AFG1L: variants seen among roughly 807,000 people sequenced by gnomAD.
AFG1L encodes AFG1 like ATPase.
AFG1L carries 53 observed loss-of-function variants against 62.2 expected under a neutral mutation model. That is an observed-to-expected ratio of 0.85 (90% CI 0.68 to 1.07). AFG1L has a LOEUF of 1.07. Ranked by LOEUF, AFG1L falls within the 50% of genes least tolerant of loss-of-function variation. AFG1L has a pLI of 0.00. For synonymous variants in AFG1L, 228 were observed against 210.3 expected, an observed-to-expected ratio of 1.08 and a Z score of -0.73; for missense variants, 555 against 590.5, an observed-to-expected ratio of 0.94 and a Z score of 0.62.
chr6:108,352,596 T>C (rs147228821), intron 3 of AFG1L, among the ~76,000 whole-genome samples: 1 of 152,352 alleles, frequency 6.6e-6, no homozygotes, highest in East Asian at 1.9e-4. Context: ...AGGGTCTCGC[T>C]CTGTCGCCCA....
intron 6 of AFG1L, among the ~76,000 whole-genome samples, chr6:108,381,830 T>G (rs1232721921): frequency 6.6e-6 from 1 of 152,154 alleles, no homozygotes; most frequent in Non-Finnish European, 1.5e-5. Flanking sequence ...CTTGAGAAAT[T>G]TATTCAATCA....
chr6:108,332,953 G>A (rs1016448734), intron 2 of AFG1L, among the ~76,000 whole-genome samples: 1 of 152,030 alleles, frequency 6.6e-6, no homozygotes, highest in African/African-American at 2.4e-5. Context: ...ATATGTTCAT[G>A]TTGTCCTGTA....
intron 7 of AFG1L, among the ~76,000 whole-genome samples, chr6:108,425,667 TACAC>T: frequency 6.6e-6 from 1 of 152,310 alleles, no homozygotes; most frequent in Middle Eastern, 3.4e-3. Flanking sequence ...CATATATACA[TACAC>T]ATATATACAT....
intron 1 of AFG1L, among the ~76,000 whole-genome samples, chr6:108,298,737 T>C (rs1356665359): frequency 6.6e-6 from 1 of 152,120 alleles, no homozygotes; most frequent in African/African-American, 2.4e-5. Flanking sequence ...CTAGTGGAAG[T>C]TTCTCAGGAA....
At chr6:108,406,377 G>T (rs575362097) in intron 7 of AFG1L, among the ~76,000 whole-genome samples, 12 of 147,072 alleles carry the variant, frequency 8.2e-5, no homozygotes, top group Admixed American at 4.1e-4. Context: ...TTATGGCTTT[G>T]ATTTGCATTT....
chr6:108,414,240 T>A (rs1451382152), intron 7 of AFG1L, among the ~76,000 whole-genome samples: 1 of 152,082 alleles, frequency 6.6e-6, no homozygotes, highest in South Asian at 2.1e-4. Context: ...TGAATCCTTG[T>A]ATAGACCAAT....
intron 8 of AFG1L, among the ~76,000 whole-genome samples, chr6:108,471,596 G>T (rs1772900775): frequency 6.6e-6 from 1 of 150,910 alleles, no homozygotes; most frequent in Non-Finnish European, 1.5e-5. Context: ...GAGTAGCTGG[G>T]ATTACAGGTC....
chr6:108,395,714 C>T (rs1781265164), intron 6 of AFG1L, among the ~76,000 whole-genome samples: 1 of 144,030 alleles, frequency 6.9e-6, no homozygotes, highest in South Asian at 2.4e-4. Context: ...ACTACTGTAT[C>T]TATTTTCATA....
intron 1 of AFG1L, among the ~76,000 whole-genome samples, chr6:108,310,300 A>G (rs1210774166): frequency 1.3e-5 from 2 of 152,102 alleles, no homozygotes; most frequent in Non-Finnish European, 2.9e-5. Context: ...CTTTCTTATC[A>G]TTGCGATCCT....
rs186269252 is a variant in AFG1L, at chr6:108,342,757, A to C, written c.364-4231A>C. Among the ~76,000 whole-genome samples, 374 of 152,228 alleles carry C rather than the reference A, an allele frequency of 2.5e-3. 3 individuals carry two copies. The highest frequency in any genetic ancestry group is 8.7e-3 in the African/African-American group (361 of 41,552). On this transcript the variant is annotated intron_variant, in intron 2 of 12. Transcript: ENST00000368977. ...GGAGTATATAATATTGTTTAGATAG[A>C]CTATGTCTGTGTCTAATGATTCTCG... is the stretch of plus-strand genomic sequence containing the variant.
chr6:108,311,840 GTTAT>G (rs1351812726), intron 1 of AFG1L, among the ~76,000 whole-genome samples: 1 of 151,854 alleles, frequency 6.6e-6, no homozygotes, highest in Admixed American at 6.6e-5. Flanking sequence ...GGATAATTAA[GTTAT>G]TTATTTATTT....
chr6:108,408,606 A>G (rs76086537), intron 7 of AFG1L, among the ~76,000 whole-genome samples: 6,491 of 152,286 alleles, frequency 0.043, 216 homozygotes, highest in South Asian at 0.1. Context: ...GAATATGGCC[A>G]GCTTGCTTGC....
chr6:108,439,433 A>G (rs968183294), intron 7 of AFG1L, among the ~76,000 whole-genome samples: 1 of 152,234 alleles, frequency 6.6e-6, no homozygotes, highest in Non-Finnish European at 1.5e-5. Context: ...TATTAAATAT[A>G]TGAAACATCT....
At chr6:108,337,722 T>G (rs1406592868) in intron 2 of AFG1L, among the ~76,000 whole-genome samples, 1 of 152,186 alleles carries the variant, frequency 6.6e-6, no homozygotes, top group African/African-American at 2.4e-5. Flanking sequence ...ATTGGACATA[T>G]ATCATATATT....
chr6:108,516,490 T>A (rs2114911980), intron 11 of AFG1L, among the ~76,000 whole-genome samples: 1 of 152,294 alleles, frequency 6.6e-6, no homozygotes, highest in Non-Finnish European at 1.5e-5. Flanking sequence ...TAGGTATTGA[T>A]GGGATGTATC....
chr6:108,376,442 G>A lies in AFG1L; in HGVS notation c.748+10110G>A, dbSNP rs6922205. Among the ~76,000 whole-genome samples the A allele has an allele frequency of 6.8e-3, 1,038 of 151,680 alleles. 14 individuals carry two copies. Among genetic ancestry groups the A allele is most frequent in the African/African-American group, 0.023 (967 of 41,438 alleles). On this transcript the variant is annotated intron_variant, in intron 6 of 12. Transcript: ENST00000368977. ...TCTGGGATATGGCTTTTGCTATATC[G>A]CAGAGATTTTGGGATATTGTGTCTT...
Position 108,522,974 on chromosome 6 carries a change from G to C in AFG1L, c.*549G>C, listed in dbSNP as rs1171389194. ...CAGGCCTTCAGATTTCTACATAATG[G>C]AAGAATATGTTTTTAACCCTGAGAT... is the stretch of plus-strand genomic sequence containing the variant. On this transcript the variant is annotated 3_prime_UTR_variant, in exon 13 of 13. Transcript: ENST00000368977. The C allele has an allele frequency of 1.3e-5, 2 of 151,968 alleles. No homozygotes were observed. The highest frequency in any genetic ancestry group is 2.9e-5 in the Non-Finnish European group (2 of 67,996). The allele number at this position is 151,968 out of a possible 1,614,324, so 9.4% of individuals were successfully genotyped here.
chr6:108,423,974 T>C (rs563629021), intron 7 of AFG1L, among the ~76,000 whole-genome samples: 1 of 152,264 alleles, frequency 6.6e-6, no homozygotes, highest in Non-Finnish European at 1.5e-5. Flanking sequence ...CTTAAATCTT[T>C]ATAATTATTA....
intron 6 of AFG1L, among the ~76,000 whole-genome samples, chr6:108,399,680 T>A (rs1206132626): frequency 1.4e-5 from 2 of 145,594 alleles, no homozygotes; most frequent in African/African-American, 4.9e-5. Flanking sequence ...TTCCTTTTTT[T>A]TTTTTTTTTT....
Sources: allele counts gnomAD v4.1 joint callset (sites outside exome capture counted in the v4.1 genomes callset), GRCh38; gene constraint gnomAD v4.1.1; transcripts MANE v1.5; gene names NCBI Gene and HGNC (gene_info 2026-07-23, HGNC 2026-07-21).